The following TDRD1 variants were observed in gnomAD, a reference collection of about 807,000 sequenced individuals.
TDRD1 encodes the protein tudor domain-containing protein 1.
A neutral mutation model predicts 140.6 loss-of-function variants in TDRD1; 37 were observed. The ratio of observed to expected loss-of-function variants is 0.26; its 90% CI spans 0.20 to 0.35. The LOEUF is 0.35. Ranked by LOEUF, TDRD1 falls within the 10% of genes least tolerant of loss-of-function variation. TDRD1 has a pLI of 1.00. For missense variants in TDRD1, 1,243 were observed against 1,393.0 expected (o/e 0.89, Z 1.71); for synonymous variants, 506 against 475.7 (o/e 1.06, Z -0.83).
At chr10:114,221,328 T>C in intron 19 of TDRD1, 29 bp from the exon 20 acceptor site, 13 of 1,608,414 alleles carry the variant, frequency 8.1e-6, no homozygotes, top group Non-Finnish European at 1.1e-5. Flanking sequence ...TTTTATTCCG[T>C]GTGAGACCTG....
At chr10:114,213,491 T>C in exon 15 of TDRD1, 1 of 1,613,998 alleles carries the variant, frequency 6.2e-7, no homozygotes, top group Non-Finnish European at 8.5e-7. Context: ...CCGAGACGCC[T>C]CATGTCAGTG....
intron 4 of TDRD1, 60 bp from the exon 5 acceptor site, chr10:114,201,350 T>C: frequency 1.5e-6 from 2 of 1,339,982 alleles, no homozygotes; most frequent in Non-Finnish European, 2.1e-6. Flanking sequence ...TTTGCTAAAG[T>C]GTGGACTTTG....
intron 16 of TDRD1, among the ~76,000 whole-genome samples, chr10:114,217,128 T>C (rs1325590246): frequency 6.6e-6 from 1 of 152,210 alleles, no homozygotes; most frequent in African/African-American, 2.4e-5. Flanking sequence ...TGTATTTCTG[T>C]ATGAAACCTC....
intron 11 of TDRD1, 115 bp downstream of exon 11, chr10:114,206,445 A>C (rs945879543): frequency 2.9e-6 from 2 of 699,564 alleles, no homozygotes; most frequent in Non-Finnish European, 4.8e-6. Flanking sequence ...TAAACATCCT[A>C]TGAGCAATTT....
At chr10:114,200,674 C>T (rs1589678112) in intron 4 of TDRD1, among the ~76,000 whole-genome samples, 2 of 151,960 alleles carry the variant, frequency 1.3e-5, no homozygotes, top group Admixed American at 6.6e-5. Context: ...CAGGTGCGCA[C>T]CACCACACTG....
At chr10:114,212,170 T>A in intron 14 of TDRD1, 134 bp downstream of exon 14, 4 of 745,322 alleles carry the variant, frequency 5.4e-6, no homozygotes, top group Non-Finnish European at 8.1e-6. Flanking sequence ...ACTATAAATG[T>A]CATTTATCCC....
intron 1 of TDRD1, among the ~76,000 whole-genome samples, chr10:114,185,051 T>G (rs1385702576): frequency 6.6e-6 from 1 of 152,236 alleles, no homozygotes; most frequent in Non-Finnish European, 1.5e-5. Flanking sequence ...GCCTGTTTTC[T>G]GAGTAGTAGT....
intron 8 of TDRD1, among the ~76,000 whole-genome samples, 185 bp from the exon 9 acceptor site, chr10:114,203,888 T>C (rs2034929132): frequency 6.6e-6 from 1 of 152,240 alleles, no homozygotes; most frequent in Non-Finnish European, 1.5e-5. Context: ...ATTAATAACA[T>C]GTCCTAACTA....
At chr10:114,228,409 T>C (rs1170115968) in intron 25 of TDRD1, 4 of 1,138,032 alleles carry the variant, frequency 3.5e-6, no homozygotes, top group Admixed American at 4.6e-5. Context: ...GTTATTGATA[T>C]GTGGAGGGAC....
intron 1 of TDRD1, among the ~76,000 whole-genome samples, chr10:114,180,734 G>A (rs2119900976): frequency 6.6e-6 from 1 of 152,256 alleles, no homozygotes; most frequent in Non-Finnish European, 1.5e-5. Context: ...AAAGTGCTGG[G>A]ATTACAGGCG....
Position 114,227,313 on chromosome 10 carries a change from G to T in TDRD1, c.3403+14G>T, listed in dbSNP as rs755116129. ...CTTTAAATACAGGTATTCTTTTCAA[G>T]TGTTATTAATAACAGATGTTAAGTG... On this transcript the variant is annotated intron_variant, in intron 23 of 25. Transcript: ENST00000251864. 1 of 1,546,656 alleles carries T rather than the reference G, an allele frequency of 6.5e-7. No homozygotes were observed. Among genetic ancestry groups the T allele is most frequent in the South Asian group, 1.1e-5 (1 of 89,462 alleles).
In TDRD1 at chr10:114,231,558, A is replaced by C. The variant is rs974229462; in HGVS notation, c.*41A>C. The C allele has an allele frequency of 9.3e-6, 14 of 1,506,332 alleles. No individual in the cohort carries two copies. The African/African-American group carries it at 2.0e-4, about 21-fold the overall frequency. The allele number at this position is 1,506,332 out of a possible 1,614,324, so 93.3% of individuals were successfully genotyped here. ...AGGCTAGCTTTAGGAGAGAAAGTAC[A>C]GCACCTGGTGTTTTTATTTATGAGA... On this transcript the variant is annotated 3_prime_UTR_variant, in exon 26 of 26. Transcript: ENST00000251864.
intron 25 of TDRD1, chr10:114,228,851 A>T (rs1589722270): frequency 1.1e-6 from 1 of 891,944 alleles, no homozygotes; most frequent in Non-Finnish European, 1.3e-6. Flanking sequence ...TGGGAGGCTG[A>T]GGCGGGCAGA....
At position 114,181,135 on chromosome 10, in the gene TDRD1, A is replaced by G. The variant is rs553580880; in HGVS notation, c.-7+1719A>G. Among the ~76,000 whole-genome samples, 326 of 152,336 alleles carry G rather than the reference A, an allele frequency of 2.1e-3. 2 individuals are homozygous for G. The highest frequency in any genetic ancestry group is 3.5e-3 in the Non-Finnish European group (241 of 68,024). On this transcript the variant is annotated intron_variant, in intron 1 of 25. Coordinates refer to ENST00000251864, the Ensembl canonical transcript of TDRD1. Reference sequence around the variant, plus strand: ...AGAACTATAGAAATGAGTCACTTTCAGTCCACTACTCTTCTAGTACATCAG... The same window carrying G: ...AGAACTATAGAAATGAGTCACTTTCGGTCCACTACTCTTCTAGTACATCAG...
intron 3 of TDRD1, among the ~76,000 whole-genome samples, chr10:114,193,579 G>A (rs1345053510): frequency 6.6e-6 from 1 of 152,216 alleles, no homozygotes; most frequent in Non-Finnish European, 1.5e-5. Flanking sequence ...ACAGGCGTGA[G>A]CCACCGGGAC....
exon 5 of TDRD1, chr10:114,201,426 T>G (rs760234825): frequency 3.7e-6 from 6 of 1,614,006 alleles, no homozygotes; most frequent in Non-Finnish European, 5.1e-6. Context: ...TGAGGTGCTC[T>G]CAGTGCAAGC....
At chr10:114,212,751 A>T (rs568229693) in intron 14 of TDRD1, among the ~76,000 whole-genome samples, 4 of 152,184 alleles carry the variant, frequency 2.6e-5, no homozygotes, top group Admixed American at 1.3e-4. Flanking sequence ...ATTGTTTTAT[A>T]CTTTTGTTTA....
At chr10:114,188,325 G>A (rs2033695824) in intron 2 of TDRD1, among the ~76,000 whole-genome samples, 169 bp downstream of exon 2, 1 of 152,114 alleles carries the variant, frequency 6.6e-6, no homozygotes, top group Non-Finnish European at 1.5e-5. Flanking sequence ...ATACCAAGTG[G>A]CTACCTTTGG....
chr10:114,221,327 G>A (rs754408936), intron 19 of TDRD1, 30 bp from the exon 20 acceptor site: 40 of 1,604,202 alleles, frequency 2.5e-5, no homozygotes, highest in East Asian at 1.8e-4. Flanking sequence ...TTTTTATTCC[G>A]TGTGAGACCT....
Sources: gnomAD v4.1 joint callset for allele counts (sites outside exome capture counted in the v4.1 genomes callset) on GRCh38, gnomAD v4.1.1 for gene constraint, MANE v1.5 for transcripts, NCBI Gene and HGNC (gene_info 2026-07-23, HGNC 2026-07-21) for gene names.